BMAL2: variants seen among roughly 807,000 people sequenced by gnomAD.
The protein encoded by BMAL2 is basic helix-loop-helix ARNT-like protein 2.
the BMAL2 span, chr12:27,401,405 A>G: frequency 2.5e-6 from 4 of 1,574,594 alleles, no homozygotes; most frequent in African/African-American, 4.1e-5. Flanking sequence ...GGAATTTAAA[A>G]TGACAGTTTT....
chr12:27,404,976 T>C, the BMAL2 span, among the ~76,000 whole-genome samples: 1 of 152,068 alleles, frequency 6.6e-6, no homozygotes, highest in African/African-American at 2.4e-5. Context: ...CGGAGGGTCC[T>C]ACACCCACGG....
At chr12:27,389,409 T>A in the BMAL2 span, 1 of 673,790 alleles carries the variant, frequency 1.5e-6, no homozygotes, top group Admixed American at 3.0e-5. Context: ...AAGAGAGAAT[T>A]GTTTTGTAAA....
chr12:27,391,111 C>T, the BMAL2 span, among the ~76,000 whole-genome samples: 3 of 152,074 alleles, frequency 2.0e-5, no homozygotes, highest in Non-Finnish European at 4.4e-5. Context: ...ACTACATGTG[C>T]AGGTTTGTTT....
At chr12:27,401,457 T>G in the BMAL2 span, 1 of 1,540,230 alleles carries the variant, frequency 6.5e-7, no homozygotes, top group Non-Finnish European at 8.9e-7. Context: ...AAGTTTGAAT[T>G]AATCTTCACA....
At chr12:27,365,853 T>A in the BMAL2 span, among the ~76,000 whole-genome samples, 1 of 151,754 alleles carries the variant, frequency 6.6e-6, no homozygotes, top group Non-Finnish European at 1.5e-5. Context: ...TTTCATTATT[T>A]CTGGTCTTAT....
At chr12:27,350,162 A>T in the BMAL2 span, among the ~76,000 whole-genome samples, 2 of 152,246 alleles carry the variant, frequency 1.3e-5, no homozygotes, top group African/African-American at 4.8e-5. Context: ...GCCTCCAACA[A>T]CAACCCTTTG....
At chr12:27,345,639 C>T in the BMAL2 span, among the ~76,000 whole-genome samples, 1 of 152,078 alleles carries the variant, frequency 6.6e-6, no homozygotes, top group Middle Eastern at 3.2e-3. Context: ...GTGTCACAGA[C>T]GCATGCCACC....
the BMAL2 span, among the ~76,000 whole-genome samples, chr12:27,343,548 G>T: frequency 6.6e-6 from 1 of 152,042 alleles, no homozygotes; most frequent in Non-Finnish European, 1.5e-5. Context: ...ATTTTGTTGA[G>T]CTGTATTTTC....
At chr12:27,411,526 G>A in the BMAL2 span, among the ~76,000 whole-genome samples, 1 of 152,094 alleles carries the variant, frequency 6.6e-6, no homozygotes, top group African/African-American at 2.4e-5. Context: ...GCTGAGGTGG[G>A]AGGATCACTT....
the BMAL2 span, among the ~76,000 whole-genome samples, chr12:27,336,313 G>C: frequency 6.6e-6 from 1 of 152,134 alleles, no homozygotes; most frequent in Non-Finnish European, 1.5e-5. Context: ...ACTACCTGTA[G>C]TGGCTCCCCT....
At chr12:27,356,351 G>A in the BMAL2 span, among the ~76,000 whole-genome samples, 3 of 152,148 alleles carry the variant, frequency 2.0e-5, no homozygotes, top group African/African-American at 7.2e-5. Context: ...GCAGTCCTAG[G>A]TAACTACATT....
chr12:27,401,814 T>A, the BMAL2 span: 5 of 607,772 alleles, frequency 8.2e-6, no homozygotes, highest in Non-Finnish European at 1.1e-5. Context: ...TTTTGAGTAA[T>A]TCATTTACTG....
the BMAL2 span, chr12:27,380,222 A>G: frequency 1.2e-6 from 2 of 1,611,692 alleles, no homozygotes; most frequent in South Asian, 1.1e-5. Flanking sequence ...TGTTAAATAT[A>G]AAGGAAGTTC....
the BMAL2 span, chr12:27,422,709 T>C: frequency 3.3e-5 from 5 of 152,352 alleles, no homozygotes; most frequent in East Asian, 7.7e-4. Flanking sequence ...AAAGATCCCC[T>C]GTGTTCTCTA....
At chr12:27,407,192 A>G in the BMAL2 span, among the ~76,000 whole-genome samples, 1 of 152,210 alleles carries the variant, frequency 6.6e-6, no homozygotes, top group African/African-American at 2.4e-5. Context: ...AACGAGACAG[A>G]AAGTTAACAA....
chr12:27,367,379 C>T, the BMAL2 span, among the ~76,000 whole-genome samples: 2 of 152,090 alleles, frequency 1.3e-5, no homozygotes, highest in Non-Finnish European at 2.9e-5. Flanking sequence ...CTGGAATTTT[C>T]CATTTAATAT....
chr12:27,380,491 G>C, the BMAL2 span: 4 of 1,420,318 alleles, frequency 2.8e-6, no homozygotes, highest in Non-Finnish European at 3.9e-6. Context: ...GCTGTCAGCT[G>C]TTGAGGTTCT....
At chr12:27,395,516 A>G in the BMAL2 span, among the ~76,000 whole-genome samples, 1 of 152,150 alleles carries the variant, frequency 6.6e-6, no homozygotes, top group South Asian at 2.1e-4. Flanking sequence ...TCTTTTAAAT[A>G]TTCAATTTTC....
At chr12:27,423,637 A>G in the BMAL2 span, 1 of 151,846 alleles carries the variant, frequency 6.6e-6, no homozygotes, top group East Asian at 1.9e-4. Flanking sequence ...CCTACTCTAC[A>G]CTTTTTTTAA....
Sources: gnomAD v4.1 joint callset for allele counts (sites outside exome capture counted in the v4.1 genomes callset) on GRCh38, gnomAD v4.1.1 for gene constraint, MANE v1.5 for transcripts, NCBI Gene and HGNC (gene_info 2026-07-23, HGNC 2026-07-21) for gene names.